MYOF: variants seen among roughly 807,000 people sequenced by gnomAD.
The protein encoded by MYOF is fer-1-like 3, myoferlin.
MYOF carries 244 observed loss-of-function variants against 284.2 expected under a neutral mutation model. The ratio of observed to expected loss-of-function variants is 0.86; its 90% CI spans 0.77 to 0.95. The LOEUF (loss-of-function observed/expected upper bound fraction) is 0.95, where lower values mean the gene tolerates loss of function less well. MYOF is among the 40% of genes least tolerant of loss of function. MYOF has a pLI of 0.00. For synonymous variants in MYOF, 904 were observed against 919.7 expected (o/e 0.98, Z 0.31); for missense variants, 2,496 against 2,560.6 (o/e 0.97, Z 0.54).
At chr10:93,399,944 TG>T (rs1309814781) in intron 12 of MYOF, among the ~76,000 whole-genome samples, 2 of 152,170 alleles carry the variant, frequency 1.3e-5, no homozygotes, top group Non-Finnish European at 2.9e-5. Flanking sequence ...GGCTGAGGCA[TG>T]AGAATCACTT....
intron 5 of MYOF, among the ~76,000 whole-genome samples, chr10:93,414,897 C>G (rs1848052812): frequency 6.6e-6 from 1 of 152,030 alleles, no homozygotes; most frequent in African/African-American, 2.4e-5. Context: ...GCACCTGCCA[C>G]CACGCCCTGC....
At chr10:93,467,584 G>A (rs920856132) in intron 1 of MYOF, among the ~76,000 whole-genome samples, 1 of 151,984 alleles carries the variant, frequency 6.6e-6, no homozygotes, top group Non-Finnish European at 1.5e-5. Context: ...CAGGGATCTA[G>A]AACTAGAAAT....
intron 3 of MYOF, among the ~76,000 whole-genome samples, chr10:93,447,674 G>A (rs1453566712): frequency 6.6e-6 from 1 of 152,124 alleles, no homozygotes; most frequent in Non-Finnish European, 1.5e-5. Context: ...AGCTAATAAA[G>A]GACTCCTGAA....
In MYOF at chr10:93,310,176, C is replaced by A; in HGVS notation, c.6000-9G>T. 1.9e-6 allele frequency: 3 copies of A among 1,613,628 alleles called. No individual in the cohort carries two copies. Among genetic ancestry groups the A allele is most frequent in the Non-Finnish European group, 2.5e-6 (3 of 1,179,586 alleles). On this transcript the variant is annotated splice_polypyrimidine_tract_variant and intron_variant, in intron 52 of 53. Transcript: ENST00000359263. The stretch of plus-strand genomic sequence containing the variant: ...AGGAGGTTTCTGGTCGACTGCATTG[C>A]AAAGAAACAGTATCACCTACCCAAC...
Position 93,381,369 on chromosome 10 carries a change from G to A in MYOF, c.1726C>T (p.Leu576=). 6.2e-7 allele frequency: 1 copy of A among 1,614,208 alleles called. No individual in the cohort carries two copies. Among genetic ancestry groups the A allele is most frequent in the Non-Finnish European group, 8.5e-7 (1 of 1,180,036 alleles). Residue 576 remains leucine, a synonymous_variant, in exon 20 of 54, where the codon CTG becomes TTG. Coordinates refer to ENST00000359263, the MANE Select transcript of MYOF (RefSeq NM_013451.4). The part of the protein sequence containing the change: ...EKYQRRRKYS[L]SAVFHSATML... Reference sequence around the variant, plus strand: ...GTGGCTGAATGAAACACGGCAGACAGGCTGTACTTCCGCCTTCGCTGGTAT... The same window carrying A: ...GTGGCTGAATGAAACACGGCAGACAAGCTGTACTTCCGCCTTCGCTGGTAT...
intron 1 of MYOF, among the ~76,000 whole-genome samples, chr10:93,472,392 ACTTTG>A (rs775801687): frequency 2.0e-5 from 3 of 152,148 alleles, no homozygotes; most frequent in African/African-American, 7.2e-5. Context: ...AAATCCCAGC[ACTTTG>A]GGAGGCCGAG....
chr10:93,477,670 A>G (rs1303075795), intron 1 of MYOF, among the ~76,000 whole-genome samples: 5 of 151,874 alleles, frequency 3.3e-5, no homozygotes, highest in Non-Finnish European at 7.4e-5. Flanking sequence ...AACATGGTGA[A>G]ACCCTGTCTC....
chr10:93,455,609 G>A (rs1230830023), intron 2 of MYOF, among the ~76,000 whole-genome samples: 1 of 152,122 alleles, frequency 6.6e-6, no homozygotes, highest in Non-Finnish European at 1.5e-5. Context: ...AGGCAGTATT[G>A]AATCTTAATC....
At chr10:93,397,068 T>C (rs1847049000) in intron 15 of MYOF, 179 bp downstream of exon 15, 1 of 510,876 alleles carries the variant, frequency 2.0e-6, no homozygotes, top group Admixed American at 3.8e-5. Context: ...TAATCGAAGC[T>C]TTTTTTGCAG....
At chr10:93,389,278 GCAA>G in intron 17 of MYOF, 124 bp from the exon 18 acceptor site, 1 of 1,119,390 alleles carries the variant, frequency 8.9e-7, no homozygotes, top group Non-Finnish European at 1.2e-6. Flanking sequence ...TTGTATTAAT[GCAA>G]GTTGTAAGCA....
rs1033966385 is a variant in MYOF, at chr10:93,374,963, A to G, written c.2109-8T>C. The stretch of plus-strand genomic sequence containing the variant: ...GTGAGAGGCAACGTGTATCTAGAAA[A>G]ATGAAGAAAAAAAGAAACAGAGGAT... On this transcript the variant is annotated splice_region_variant and splice_polypyrimidine_tract_variant and intron_variant, in intron 22 of 53. Transcript: ENST00000359263. 6.2e-7 allele frequency: 1 copy of G among 1,604,674 alleles called. No individual in the cohort carries two copies. Among genetic ancestry groups the G allele is most frequent in the Admixed American group, 1.7e-5 (1 of 57,490 alleles).
At position 93,456,797 on chromosome 10, in the gene MYOF, G is replaced by A. The variant is rs145084600; in HGVS notation, c.144+85C>T. The A allele has an allele frequency of 1.0e-3, 1,006 of 981,396 alleles. 8 individuals carry two copies. In the African/African-American group the frequency reaches 0.014, roughly 14 times the overall value. 60.8% of individuals were successfully genotyped at this position (981,396 alleles called of 1,614,324 possible). On this transcript the variant is annotated intron_variant, in intron 2 of 53. Coordinates refer to ENST00000359263, the MANE Select transcript of MYOF (RefSeq NM_013451.4). ...GAAATGTAGAGATTCTCCTTCCGAA[G>A]GGAAGAGGTAACCTCTCACCCAAAG...
intron 2 of MYOF, among the ~76,000 whole-genome samples, 167 bp from the exon 3 acceptor site, chr10:93,452,308 G>A (rs906973087): frequency 7.9e-5 from 12 of 152,016 alleles, no homozygotes; most frequent in African/African-American, 2.9e-4. Flanking sequence ...GGCAGCTGAG[G>A]GGGCAGGAAA....
At position 93,310,647 on chromosome 10, in the gene MYOF, C is replaced by T. The variant is rs781720354; in HGVS notation, c.5890-4G>A. ...CCAATGTCATCTCCACTTTCCCCTT[C>T]AGTAAAGCAGAGCAGGTTAAACATA... On this transcript the variant is annotated splice_polypyrimidine_tract_variant and splice_region_variant and intron_variant, in intron 51 of 53. Coordinates refer to ENST00000359263, the MANE Select transcript of MYOF (RefSeq NM_013451.4). 1.9e-6 allele frequency: 3 copies of T among 1,613,752 alleles called. No individual in the cohort carries two copies. The highest frequency in any genetic ancestry group is 2.5e-6 in the Non-Finnish European group (3 of 1,179,746).
At chr10:93,318,547 T>A (rs1380445849) in intron 49 of MYOF, among the ~76,000 whole-genome samples, 2 of 152,002 alleles carry the variant, frequency 1.3e-5, no homozygotes, top group Admixed American at 1.3e-4. Context: ...TCACCTGAGG[T>A]CAGGAGTTCA....
At chr10:93,329,560 G>T in intron 44 of MYOF, 104 bp downstream of exon 44, 3 of 1,118,644 alleles carry the variant, frequency 2.7e-6, no homozygotes, top group Non-Finnish European at 3.9e-6. Flanking sequence ...AGTGATAGGA[G>T]CAGTGGCTCA....
intron 24 of MYOF, among the ~76,000 whole-genome samples, chr10:93,371,402 C>T (rs1197170824): frequency 3.3e-5 from 5 of 152,192 alleles, no homozygotes; most frequent in Non-Finnish European, 4.4e-5. Context: ...TCATATACTT[C>T]AACCAAATAA....
chr10:93,350,085 T>C (rs1844435281), intron 35 of MYOF, 116 bp from the exon 36 acceptor site: 2 of 1,065,536 alleles, frequency 1.9e-6, no homozygotes, highest in Non-Finnish European at 2.7e-6. Context: ...TTGAACATTA[T>C]CCTAGTAAGC....
chr10:93,443,472 CTGTGTGTGTGTGTGTG>C (rs5787060), intron 3 of MYOF, among the ~76,000 whole-genome samples: 3 of 137,152 alleles, frequency 2.2e-5, no homozygotes, highest in Non-Finnish European at 3.1e-5. Context: ...CTCTCTCTCT[CTGTGTGTGTGTGTGTG>C]TGTGTGTGTG....
Sources: gnomAD v4.1 joint callset for allele counts (sites outside exome capture counted in the v4.1 genomes callset) on GRCh38, gnomAD v4.1.1 for gene constraint, MANE v1.5 for transcripts, NCBI Gene and HGNC (gene_info 2026-07-23, HGNC 2026-07-21) for gene names.